The following CERS4 variants were observed in gnomAD, a reference collection of about 807,000 sequenced individuals.
CERS4 encodes LAG1 homolog, ceramide synthase 4.
Under a neutral mutation model 51.8 loss-of-function variants are expected in CERS4, and 65 were observed. That is an observed-to-expected ratio of 1.26 (90% CI 1.03 to 1.54). The LOEUF is 1.54. CERS4 is among the 40% of genes most tolerant of loss of function. The pLI, the probability that CERS4 is intolerant of heterozygous loss-of-function variation, is 0.00. For missense variants in CERS4, 563 were observed against 500.4 expected (o/e 1.13, Z -1.19); for synonymous variants, 228 against 208.4 (o/e 1.09, Z -0.81).
At chr19:8,255,502 G>A in intron 4 of CERS4, 105 bp from the exon 5 acceptor site, 1 of 967,160 alleles carries the variant, frequency 1.0e-6, no homozygotes, top group African/African-American at 1.6e-5. Flanking sequence ...CTGTAGGCAA[G>A]ATGTGGGCCT....
Position 8,262,074 on chromosome 19 carries a change from G to C in CERS4, c.1150G>C (p.Gly384Arg), listed in dbSNP as rs771355894. Residue 384 changes from glycine (G) to arginine (R), a missense_variant, in exon 12 of 12, where the codon GGG becomes CGG. Transcript: ENST00000251363. ...TGATGGCCCTCGGAGCCGGGTGGCC[G>C]GGCGTCTGACCAACAGGCACACAAC... ...PTDGPRSRVA[G>R]RLTNRHTTAT 3 of 1,520,938 alleles carry C rather than the reference G, an allele frequency of 2.0e-6. No homozygotes were observed. The highest frequency in any genetic ancestry group is 4.6e-5 in the Admixed American group (2 of 43,682). 94.2% of individuals were successfully genotyped at this position (1,520,938 alleles called of 1,614,324 possible).
At chr19:8,261,585 G>A in intron 10 of CERS4, 103 bp from the exon 11 acceptor site, 2 of 1,349,226 alleles carry the variant, frequency 1.5e-6, no homozygotes, top group South Asian at 1.3e-5. Flanking sequence ...GGGAGCCATA[G>A]GTGGTTATGG....
At chr19:8,246,522 C>T (rs1968795281) in intron 2 of CERS4, among the ~76,000 whole-genome samples, 1 of 151,988 alleles carries the variant, frequency 6.6e-6, no homozygotes, top group African/African-American at 2.4e-5. Context: ...CGCTGCATTC[C>T]AGCCTGGGTG....
intron 2 of CERS4, among the ~76,000 whole-genome samples, chr19:8,217,364 G>A (rs1256396688): frequency 5.3e-5 from 8 of 151,828 alleles, no homozygotes; most frequent in African/African-American, 1.9e-4. Context: ...GGCAAGGAGA[G>A]GCTCGTTTTT....
chr19:8,218,156 G>A (rs1967382502), intron 2 of CERS4, among the ~76,000 whole-genome samples: 1 of 152,084 alleles, frequency 6.6e-6, no homozygotes, highest in Admixed American at 6.6e-5. Flanking sequence ...GTAGAGATGA[G>A]GTTTCACCAT....
At chr19:8,236,549 C>T (rs938008114) in intron 2 of CERS4, among the ~76,000 whole-genome samples, 15 of 151,302 alleles carry the variant, frequency 9.9e-5, no homozygotes, top group Middle Eastern at 3.5e-3. Flanking sequence ...TGTGGTGGCA[C>T]CCGCCTGTAG....
At chr19:8,216,339 A>T (rs2052435281) in intron 2 of CERS4, among the ~76,000 whole-genome samples, 1 of 151,652 alleles carries the variant, frequency 6.6e-6, no homozygotes, top group South Asian at 2.1e-4. Context: ...AGATGGTGGC[A>T]CTGCATTCCA....
intron 2 of CERS4, among the ~76,000 whole-genome samples, chr19:8,219,418 A>C (rs1056840905): frequency 5.3e-5 from 8 of 152,026 alleles, no homozygotes; most frequent in African/African-American, 1.9e-4. Context: ...TCATCCCAAC[A>C]CTTTGAGAGG....
Position 8,254,417 on chromosome 19 carries a change from C to T in CERS4, c.174-82C>T, listed in dbSNP as rs140636793. On this transcript the variant is annotated intron_variant, in intron 3 of 11. Coordinates refer to ENST00000251363, the MANE Select transcript of CERS4 (RefSeq NM_024552.3). ...TTGCCCCTCCGAGACTTGGTTATCC[C>T]ACCGGCAGCATGTCTGCCCCCACAC... 4,449 of 1,318,518 alleles carry T rather than the reference C, an allele frequency of 3.4e-3. 107 individuals are homozygous for T. The African/African-American group carries it at 0.052, about 16-fold the overall frequency. The allele number at this position is 1,318,518 out of a possible 1,614,324, so 81.7% of individuals were successfully genotyped here. A position where few individuals can be genotyped will look rare whatever the true frequency, so the allele number is the denominator to read the frequency against.
chr19:8,256,357 TG>T, intron 7 of CERS4, 71 bp downstream of exon 7: 2 of 1,539,364 alleles, frequency 1.3e-6, no homozygotes, highest in Non-Finnish European at 1.8e-6. Flanking sequence ...GCCATGGGCA[TG>T]GGACCCGAAC....
intron 2 of CERS4, among the ~76,000 whole-genome samples, chr19:8,229,391 CTTTT>C (rs1456810115): frequency 9.0e-6 from 1 of 110,896 alleles, no homozygotes; most frequent in African/African-American, 3.7e-5. Flanking sequence ...CTTCTTTCTT[CTTTT>C]TTCTTCTTCT....
chr19:8,220,815 GTGTTTTTTTTTT>G lies in CERS4; in HGVS notation c.-2+9966_-2+9977del, dbSNP rs574551299. Reference sequence around the variant, plus strand: ...GGGCTTCTGTTACCACTGCTGTTTTGTGTTTTTTTTTTTGTTTTTTTTTTGAGACGGAGTCTC... The same window carrying G: ...GGGCTTCTGTTACCACTGCTGTTTTGTGTTTTTTTTTTGAGACGGAGTCTC... On this transcript the variant is annotated intron_variant, in intron 2 of 11. Coordinates refer to ENST00000251363, the MANE Select transcript of CERS4 (RefSeq NM_024552.3). Among the ~76,000 whole-genome samples, 729 of 143,080 alleles carry G rather than the reference GTGTTTTTTTTTT, an allele frequency of 5.1e-3. 3 individuals are homozygous for G. Among genetic ancestry groups the G allele is most frequent in the Non-Finnish European group, 8.1e-3 (527 of 64,930 alleles). The allele number at this position is 143,080 out of a possible 152,430, so 93.9% of individuals were successfully genotyped here. A position where few individuals can be genotyped will look rare whatever the true frequency, so the allele number is the denominator to read the frequency against.
At chr19:8,253,540 A>G (rs1278625492) in intron 3 of CERS4, among the ~76,000 whole-genome samples, 1 of 137,480 alleles carries the variant, frequency 7.3e-6, no homozygotes, top group Admixed American at 8.6e-5. Flanking sequence ...ACTCACTGCC[A>G]GCTCCGCCTC....
chr19:8,232,151 C>T (rs999470486), intron 2 of CERS4, among the ~76,000 whole-genome samples: 1 of 151,738 alleles, frequency 6.6e-6, no homozygotes, highest in African/African-American at 2.4e-5. Context: ...ATCTTTAAGC[C>T]AGTTTTTATC....
chr19:8,229,013 C>G (rs986869792), intron 2 of CERS4, among the ~76,000 whole-genome samples: 6 of 147,314 alleles, frequency 4.1e-5, no homozygotes, highest in Non-Finnish European at 7.5e-5. Flanking sequence ...GCCGGTGAGA[C>G]TTCATCTAAA....
chr19:8,240,309 T>C (rs1968470929), intron 2 of CERS4, among the ~76,000 whole-genome samples: 1 of 152,060 alleles, frequency 6.6e-6, no homozygotes, highest in Non-Finnish European at 1.5e-5. Flanking sequence ...GGGGTCCACC[T>C]TGGGGTCTTT....
intron 10 of CERS4, among the ~76,000 whole-genome samples, chr19:8,260,163 C>A (rs1969604312): frequency 6.6e-6 from 1 of 151,990 alleles, no homozygotes; most frequent in South Asian, 2.1e-4. Context: ...GGTCACCCTA[C>A]AGCTGATTGG....
chr19:8,243,213 A>T (rs995655223), intron 2 of CERS4, among the ~76,000 whole-genome samples: 1 of 150,042 alleles, frequency 6.7e-6, no homozygotes, highest in Non-Finnish European at 1.5e-5. Context: ...AAAAAAAAAA[A>T]AAAAAAAAAA....
chr19:8,211,352 C>T (rs766825046), intron 2 of CERS4, among the ~76,000 whole-genome samples: 26 of 152,158 alleles, frequency 1.7e-4, no homozygotes, highest in Non-Finnish European at 2.4e-4. Context: ...CCACAAGCTT[C>T]TCCCTTTCCG....
Sources: allele counts gnomAD v4.1 joint callset (sites outside exome capture counted in the v4.1 genomes callset), GRCh38; gene constraint gnomAD v4.1.1; transcripts MANE v1.5; gene names NCBI Gene and HGNC (gene_info 2026-07-23, HGNC 2026-07-21).